RNF213: variants seen among roughly 807,000 people sequenced by gnomAD.
The protein encoded by RNF213 is E3 ubiquitin-protein ligase RNF213.
Under a neutral mutation model 514.4 loss-of-function variants are expected in RNF213, and 341 were observed. The ratio of observed to expected loss-of-function variants is 0.66; its 90% CI spans 0.61 to 0.73. RNF213 has a LOEUF of 0.73. RNF213 is among the 30% of genes least tolerant of loss of function. The probability of loss-of-function intolerance (pLI) is 0.00; values close to 1 mark genes in which losing one functional copy is unlikely to be tolerated. For synonymous variants in RNF213, 2,655 were observed against 2,658.2 expected (o/e 1.00, Z 0.04); for missense variants, 5,767 against 6,615.6 (o/e 0.87, Z 4.45).
At position 80,347,222 on chromosome 17, in the gene RNF213, G is replaced by T; in HGVS notation, c.8887G>T (p.Val2963Phe). 3 of 1,613,430 alleles carry T rather than the reference G, an allele frequency of 1.9e-6. No homozygotes were observed. Among genetic ancestry groups the T allele is most frequent in the Non-Finnish European group, 2.5e-6 (3 of 1,179,784 alleles). ...TGACTACTACAGCCTCATCAAAATGGTCTTTGCTGCAGCAAAGGCTTCAAA... is the reference window on the plus strand; with the variant it reads ...TGACTACTACAGCCTCATCAAAATGTTCTTTGCTGCAGCAAAGGCTTCAAA... ...LRDYYSLIKMVFAAAKASNRK... is the reference protein window; with the variant it reads ...LRDYYSLIKMFFAAAKASNRK... Residue 2963 changes from valine (V) to phenylalanine (F), a missense_variant, in exon 29 of 68, where the codon GTC becomes TTC. Physicochemically the swap from Val to Phe is conservative, Grantham distance 50. Coordinates refer to ENST00000582970, the MANE Select transcript of RNF213 (RefSeq NM_001256071.3). This position sits in a 1 kb window ranked among gnomAD's most constrained non-coding sequence, Gnocchi z 7.2.
In RNF213 at chr17:80,278,213, C is replaced by T. The variant is rs572152576; in HGVS notation, c.261+4809C>T. ...TTCCTTTCCTCAGCTTCCTGCTGGG[C>T]GTCTTGCTGTGAGGTCTCCCGGCGA... On this transcript the variant is annotated intron_variant, in intron 3 of 67. Transcript: ENST00000582970. Among the ~76,000 whole-genome samples, 478 of 152,298 alleles carry T rather than the reference C, an allele frequency of 3.1e-3. 3 individuals carry two copies. The highest frequency in any genetic ancestry group is 4.0e-3 in the Non-Finnish European group (269 of 68,018).
chr17:80,378,235 G>A (rs1434724599), intron 54 of RNF213, among the ~76,000 whole-genome samples: 1 of 152,224 alleles, frequency 6.6e-6, no homozygotes, highest in Non-Finnish European at 1.5e-5. Context: ...GAATGGCAAG[G>A]TGTTGCCTGG....
chr17:80,308,919 G>C (rs1238032973), intron 13 of RNF213, 99 bp from the exon 14 acceptor site: 1 of 1,411,290 alleles, frequency 7.1e-7, no homozygotes, highest in Non-Finnish European at 1.0e-6. Context: ...ATGCCCTGTT[G>C]GTAGTTATTT....
At chr17:80,274,259 G>A (rs909672946) in intron 3 of RNF213, among the ~76,000 whole-genome samples, 9 of 151,990 alleles carry the variant, frequency 5.9e-5, no homozygotes, top group African/African-American at 2.2e-4. Context: ...GGCTCCCTCT[G>A]GCCTTGAACA....
At position 80,340,117 on chromosome 17, in the gene RNF213, C is replaced by T. The variant is rs777434334; in HGVS notation, c.5750C>T (p.Thr1917Met). The T allele has an allele frequency of 3.3e-5, 53 of 1,613,010 alleles. No homozygotes were observed. Among genetic ancestry groups the T allele is most frequent in the Non-Finnish European group, 3.6e-5 (42 of 1,179,846 alleles). ...GAGGAGCTTTTCCACAATCTGTGCA[C>T]GCAGCAGCACCGAGAAGACTACCAG... ...QAEELFHNLC[T>M]QQHREDYQLV... Residue 1917 changes from threonine (T) to methionine (M), a missense_variant, in exon 26 of 68, where the codon ACG becomes ATG. By Grantham distance (81) the Thr-to-Met change is moderately conservative (BLOSUM62 -1). Transcript: ENST00000582970.
Position 80,389,354 on chromosome 17 carries a change from T to C in RNF213, c.15182T>C (p.Ile5061Thr), listed in dbSNP as rs1312114871. Residue 5061 changes from isoleucine (I) to threonine (T), a missense_variant, in exon 65 of 68, where the codon ATT (isoleucine) becomes ACT (threonine). Ile to Thr is a moderately conservative substitution (Grantham distance 89, BLOSUM62 -1). Coordinates refer to ENST00000582970, the MANE Select transcript of RNF213 (RefSeq NM_001256071.3). Reference protein sequence around the residue: ...QDILQMGDQTIHVLKALNRCQ... With the variant: ...QDILQMGDQTTHVLKALNRCQ... The stretch of plus-strand genomic sequence containing the variant: ...ATCCTGCAAATGGGTGATCAGACGA[T>C]TCACGTGTTAAAGGTGGGTCTCACA... The C allele has an allele frequency of 4.3e-6, 7 of 1,614,042 alleles. No individual in the cohort carries two copies. The South Asian group carries it at 7.7e-5, about 18-fold the overall frequency.
intron 65 of RNF213, among the ~76,000 whole-genome samples, 175 bp downstream of exon 65, chr17:80,389,542 T>C (rs1398422480): frequency 6.6e-6 from 1 of 152,052 alleles, no homozygotes; most frequent in Non-Finnish European, 1.5e-5. Context: ...CCAGGGACAG[T>C]AGAGACAGAC....
At chr17:80,274,605 AGT>A (rs1567997361) in intron 3 of RNF213, among the ~76,000 whole-genome samples, 4 of 8,718 alleles carry the variant, frequency 4.6e-4, no homozygotes, top group Non-Finnish European at 7.1e-4. Context: ...GAGTGGGGTG[AGT>A]GTGGGGGGTG....
In RNF213 at chr17:80,264,905, G is replaced by A. The variant is rs1199015814; in HGVS notation, c.97+1127G>A. 1.3e-5 allele frequency among the ~76,000 whole-genome samples: 2 copies of A among 152,068 alleles called. No individual in the cohort carries two copies. The highest frequency in any genetic ancestry group is 2.9e-5 in the Non-Finnish European group (2 of 68,012). ...ATACACCAGGTGTGCTTCCACCGCA[G>A]GGCCTTTGCACCACCCTTCCCCAGA... On this transcript the variant is annotated intron_variant, in intron 2 of 67. Coordinates refer to ENST00000582970, the MANE Select transcript of RNF213 (RefSeq NM_001256071.3). This position sits in a 1 kb window ranked among gnomAD's most constrained non-coding sequence, Gnocchi z 5.0.
intron 50 of RNF213, 139 bp downstream of exon 50, chr17:80,374,728 GC>G: frequency 9.6e-7 from 1 of 1,044,668 alleles, no homozygotes; most frequent in Non-Finnish European, 1.4e-6. Context: ...GAAGTCACGT[GC>G]CCACAGCCTC....
At chr17:80,383,615 T>G (rs1336634505) in intron 58 of RNF213, 62 bp from the exon 59 acceptor site, 1 of 1,578,954 alleles carries the variant, frequency 6.3e-7, no homozygotes, top group Non-Finnish European at 8.7e-7. Flanking sequence ...TTACTGGGTG[T>G]TACAATCTGT....
At chr17:80,374,917 G>A (rs921201314) in intron 50 of RNF213, 6 of 358,404 alleles carry the variant, frequency 1.7e-5, no homozygotes, top group Middle Eastern at 8.9e-4. Context: ...TAAGAAAGAT[G>A]CTGACACAAC....
At position 80,343,409 on chromosome 17, in the gene RNF213, G is replaced by T. The variant is rs2078218846; in HGVS notation, c.6183+84G>T. On this transcript the variant is annotated intron_variant, in intron 27 of 67. Transcript: ENST00000582970. This position sits in a 1 kb window ranked among gnomAD's most constrained non-coding sequence, Gnocchi z 4.3. ...TCTGCGTGACTCCTCCCCGTGTATA[G>T]AATTCCTTGTTTCCACACGCACAGT... The T allele has an allele frequency of 8.2e-7, 1 of 1,219,964 alleles. No individual in the cohort carries two copies. Among genetic ancestry groups the T allele is most frequent in the Non-Finnish European group, 1.2e-6 (1 of 845,392 alleles). The allele number at this position is 1,219,964 out of a possible 1,614,324, so 75.6% of individuals were successfully genotyped here.
chr17:80,354,201 C>T (rs777546634), intron 35 of RNF213, 35 bp downstream of exon 35: 23 of 1,608,462 alleles, frequency 1.4e-5, no homozygotes, highest in African/African-American at 2.7e-5. Context: ...CCCCTGCCCC[C>T]ACGTGGGCTC....
At chr17:80,327,705 T>A (rs986452173) in intron 18 of RNF213, 111 bp from the exon 19 acceptor site, 58 of 878,158 alleles carry the variant, frequency 6.6e-5, no homozygotes, top group Non-Finnish European at 9.6e-5. Flanking sequence ...CCATTGCCTG[T>A]GTTTGAGGAA....
chr17:80,321,232 CA>C (rs1317926082), intron 17 of RNF213: 1 of 152,148 alleles, frequency 6.6e-6, no homozygotes, highest in African/African-American at 2.4e-5. Flanking sequence ...ATATTTTTAA[CA>C]ATTTTGTGCA....
At position 80,312,988 on chromosome 17, in the gene RNF213, ACCCT is replaced by A. The variant is rs2045622642; in HGVS notation, c.2656-18_2656-15del. On this transcript the variant is annotated intron_variant, in intron 14 of 67. Transcript: ENST00000582970. ...CTGAGTCCACAGCCGAGGATGACTG[ACCCT>A]CCCTCTTGTGTGACAACAGGATTCT... 8 of 1,613,160 alleles carry A rather than the reference ACCCT, an allele frequency of 5.0e-6. No homozygotes were observed. Among genetic ancestry groups the A allele is most frequent in the Non-Finnish European group, 6.8e-6 (8 of 1,179,932 alleles).
chr17:80,345,807 C>T lies in RNF213; in HGVS notation c.7472C>T (p.Thr2491Ile). Reference sequence around the variant, plus strand: ...ATCTTGTTTTTTGATGAAGCCAACACAACGGAAGCTATAAGCTGTATCAAA... The same window carrying T: ...ATCTTGTTTTTTGATGAAGCCAACATAACGGAAGCTATAAGCTGTATCAAA... ...DTILFFDEAN[T>I]TEAISCIKEV... The change falls in exon 29 of 68, where the codon ACA becomes ATA. Residue 2491 changes from threonine (T) to isoleucine (I), a missense_variant. Physicochemically the swap from Thr to Ile is moderately conservative, Grantham distance 89. This residue lies in a region of RNF213 where 1,377 missense variants were observed against 1,635.2 expected (regional missense o/e 0.84). Coordinates refer to ENST00000582970, the MANE Select transcript of RNF213 (RefSeq NM_001256071.3). This position sits in a 1 kb window ranked among gnomAD's most constrained non-coding sequence, Gnocchi z 6.0. The T allele has an allele frequency of 6.2e-7, 1 of 1,614,136 alleles. No individual in the cohort carries two copies. Among genetic ancestry groups the T allele is most frequent in the Non-Finnish European group, 8.5e-7 (1 of 1,180,040 alleles).
Position 80,383,713 on chromosome 17 carries a change from A to G in RNF213, c.14107A>G (p.Ile4703Val). The G allele has an allele frequency of 6.2e-7, 1 of 1,606,588 alleles. No homozygotes were observed. Among genetic ancestry groups the G allele is most frequent in the African/African-American group, 1.3e-5 (1 of 74,766 alleles). The change falls in exon 59 of 68, where the codon ATC becomes GTC. Residue 4703 changes from isoleucine (I) to valine (V), a missense_variant. Physicochemically the swap from Ile to Val is conservative, Grantham distance 29. Around this residue, in one of 13 missense-constraint regions of RNF213, gnomAD observed 1,245 missense variants for 1,339.0 expected, o/e 0.93. Transcript: ENST00000582970. Reference protein sequence around the residue: ...DKTLPTMNNLISQDKRISSNP... With the variant: ...DKTLPTMNNLVSQDKRISSNP... ...AACCCTTCCCACCATGAATAATCTCATCAGCCAAGATAAGCGTATCAGCTC... is the reference window on the plus strand; with the variant it reads ...AACCCTTCCCACCATGAATAATCTCGTCAGCCAAGATAAGCGTATCAGCTC...
Sources: gnomAD v4.1 joint callset for allele counts (sites outside exome capture counted in the v4.1 genomes callset) on GRCh38, gnomAD v4.1.1 for gene constraint, gnomAD v4.1.1 regional missense constraint, Gnocchi (gnomAD v3.1) non-coding constraint, MANE v1.5 for transcripts, NCBI Gene and HGNC (gene_info 2026-07-23, HGNC 2026-07-21) for gene names.